Variants in CFAP299 observed in about 807,000 individuals in gnomAD.
CFAP299 encodes cilia and flagella associated protein 299, also known as cilia- and flagella-associated protein 299.
CFAP299 carries 21 observed loss-of-function variants against 27.0 expected under a neutral mutation model. The ratio of observed to expected loss-of-function variants is 0.78; its 90% confidence interval spans 0.55 to 1.12. The LOEUF (loss-of-function observed/expected upper bound fraction) is 1.12. Among genes scored for constraint, CFAP299 ranks in the 50% most tolerant of loss-of-function variants. CFAP299 has a pLI of 0.00. For missense variants in CFAP299, 310 were observed against 276.6 expected, an observed-to-expected ratio of 1.12 and a Z score of -0.86; for synonymous variants, 104 against 98.1, an observed-to-expected ratio of 1.06 and a Z score of -0.36.
At chr4:80,799,453 A>AT (rs1404044650) in intron 3 of CFAP299, among the ~76,000 whole-genome samples, 6 of 91,072 alleles carry the variant, frequency 6.6e-5, no homozygotes, top group African/African-American at 1.4e-4. Context: ...TATAAAATAT[A>AT]TATAATATAT....
intron 4 of CFAP299, among the ~76,000 whole-genome samples, chr4:80,897,228 A>G (rs1047818414): frequency 6.6e-6 from 1 of 152,202 alleles, no homozygotes; most frequent in South Asian, 2.1e-4. Flanking sequence ...AGCAGTTTTC[A>G]TCATTGTACA....
At chr4:80,478,398 G>A (rs1181874779) in intron 2 of CFAP299, among the ~76,000 whole-genome samples, 2 of 151,872 alleles carry the variant, frequency 1.3e-5, no homozygotes, top group Non-Finnish European at 2.9e-5. Context: ...ATAACAAAAG[G>A]CATATAAATT....
chr4:80,567,327 A>G (rs1334034127), intron 2 of CFAP299, among the ~76,000 whole-genome samples: 2 of 152,090 alleles, frequency 1.3e-5, no homozygotes, highest in African/African-American at 4.8e-5. Context: ...CTTCTCACCA[A>G]TAAATGAATT....
chr4:80,776,552 CAG>C (rs1388182266), intron 3 of CFAP299, among the ~76,000 whole-genome samples: 2 of 151,934 alleles, frequency 1.3e-5, no homozygotes, highest in East Asian at 3.9e-4. Context: ...CACGTGGACA[CAG>C]GGAGGGGAAC....
intron 3 of CFAP299, among the ~76,000 whole-genome samples, chr4:80,755,405 T>C (rs529238366): frequency 6.6e-6 from 1 of 152,248 alleles, no homozygotes; most frequent in African/African-American, 2.4e-5. Context: ...TTGGGAACTA[T>C]TCTTAATGTG....
intron 3 of CFAP299, among the ~76,000 whole-genome samples, chr4:80,799,820 T>TTATA (rs1394788228): frequency 2.7e-5 from 1 of 36,514 alleles, no homozygotes; most frequent in Non-Finnish European, 4.3e-5. Context: ...AATATATATA[T>TTATA]TATATATATT....
intron 5 of CFAP299, among the ~76,000 whole-genome samples, chr4:80,960,863 T>C (rs940402239): frequency 2.6e-5 from 4 of 151,774 alleles, no homozygotes; most frequent in African/African-American, 9.7e-5. Context: ...AGAGACAAAA[T>C]TAATACATTC....
In CFAP299 at chr4:80,476,923, C is replaced by T. The variant is rs558890593; in HGVS notation, c.243-106170C>T. Among the ~76,000 whole-genome samples the T allele has an allele frequency of 5.0e-4, 76 of 150,690 alleles. 1 individual carries two copies. The highest frequency in any genetic ancestry group is 1.8e-3 in the African/African-American group (73 of 40,620). On this transcript the variant is annotated intron_variant, in intron 2 of 5. Coordinates refer to ENST00000358105, the MANE Select transcript of CFAP299 (RefSeq NM_152770.3). ...TCATATCCCTGGAGCCTGCTTTTCT[C>T]AGGCATTTTGTGTGTGTGTGCGTGT...
At chr4:80,664,633 A>G (rs1373898218) in intron 3 of CFAP299, among the ~76,000 whole-genome samples, 3 of 152,078 alleles carry the variant, frequency 2.0e-5, no homozygotes, top group Non-Finnish European at 4.4e-5. Flanking sequence ...TGGCAGCAAG[A>G]GTTTCAAGCC....
intron 3 of CFAP299, among the ~76,000 whole-genome samples, chr4:80,657,295 C>G (rs972734177): frequency 2.6e-5 from 4 of 152,068 alleles, no homozygotes; most frequent in African/African-American, 9.7e-5. Context: ...GTCATGAAGT[C>G]TTTGCCCATG....
At chr4:80,585,416 A>G (rs1736384897) in intron 3 of CFAP299, among the ~76,000 whole-genome samples, 1 of 152,178 alleles carries the variant, frequency 6.6e-6, no homozygotes, top group Non-Finnish European at 1.5e-5. Context: ...CTATCCCTCA[A>G]ATGCTCAACA....
intron 2 of CFAP299, among the ~76,000 whole-genome samples, chr4:80,453,764 C>T (rs1729009266): frequency 1.3e-5 from 2 of 150,666 alleles, no homozygotes; most frequent in East Asian, 2.0e-4. Flanking sequence ...TCGCTTGAGT[C>T]TGGGAGGTGG....
At chr4:80,641,668 A>G (rs1407362991) in intron 3 of CFAP299, among the ~76,000 whole-genome samples, 1 of 152,234 alleles carries the variant, frequency 6.6e-6, no homozygotes, top group African/African-American at 2.4e-5. Context: ...TAAGGAATTG[A>G]CGTACAGCTT....
chr4:80,847,814 G>T (rs1731267428), intron 3 of CFAP299, among the ~76,000 whole-genome samples: 1 of 152,160 alleles, frequency 6.6e-6, no homozygotes, highest in African/African-American at 2.4e-5. Context: ...TAGATAAATA[G>T]TTCCCTGAAG....
At chr4:80,351,663 G>A (rs953209837) in intron 1 of CFAP299, among the ~76,000 whole-genome samples, 1 of 151,752 alleles carries the variant, frequency 6.6e-6, no homozygotes, top group Non-Finnish European at 1.5e-5. Flanking sequence ...CAATTTAAAA[G>A]CAGAGATGGT....
rs575053850 is a variant in CFAP299 at position 80,386,745 on chromosome 4, G to A, written c.242+23861G>A. 439 of 1,504,010 alleles carry A rather than the reference G, an allele frequency of 2.9e-4. 5 individuals carry two copies. The South Asian group carries it at 4.7e-3, about 16-fold the overall frequency. The allele number at this position is 1,504,010 out of a possible 1,614,324, so 93.2% of individuals were successfully genotyped here. On this transcript the variant is annotated intron_variant, in intron 2 of 5. Transcript: ENST00000358105. The stretch of plus-strand genomic sequence containing the variant: ...TTCATGCCGGAGTGGGAGAGGACAT[G>A]GGCCTTCAGCTTGTCCGGCCGGTTG...
intron 3 of CFAP299, among the ~76,000 whole-genome samples, chr4:80,731,061 C>T (rs1723493327): frequency 6.6e-6 from 1 of 152,158 alleles, no homozygotes; most frequent in Non-Finnish European, 1.5e-5. Context: ...CACTGACTCA[C>T]AAACATGATA....
intron 2 of CFAP299, among the ~76,000 whole-genome samples, chr4:80,365,634 G>A (rs941186088): frequency 1.3e-5 from 2 of 152,190 alleles, no homozygotes; most frequent in East Asian, 3.8e-4. Flanking sequence ...TGTAATGTTT[G>A]AAATGTGTCT....
intron 2 of CFAP299, among the ~76,000 whole-genome samples, chr4:80,478,059 C>G (rs992965050): frequency 6.6e-6 from 1 of 152,162 alleles, no homozygotes; most frequent in Non-Finnish European, 1.5e-5. Context: ...CATTATTGCT[C>G]ATTTACTCCC....
Sources: gnomAD v4.1 joint callset for allele counts (sites outside exome capture counted in the v4.1 genomes callset) on GRCh38, gnomAD v4.1.1 for gene constraint, MANE v1.5 for transcripts, NCBI Gene and HGNC (gene_info 2026-07-23, HGNC 2026-07-21) for gene names.